Variants in MECOM observed in about 807,000 individuals in gnomAD.
The protein encoded by MECOM is MDS1 and EVI1 complex locus.
Under a neutral mutation model 116.3 loss-of-function variants are expected in MECOM, and 13 were observed. The ratio of observed to expected loss-of-function variants is 0.11; its 90% confidence interval spans 0.07 to 0.18. The LOEUF (loss-of-function observed/expected upper bound fraction) is 0.18, where lower values mean the gene tolerates loss of function less well. MECOM is among the 10% of genes least tolerant of loss of function. The pLI is 1.00. For missense variants in MECOM, 1,299 were observed against 1,509.0 expected (o/e 0.86, Z 2.31); for synonymous variants, 528 against 535.2 (o/e 0.99, Z 0.19).
chr3:169,134,202 G>T (rs139273277), intron 3 of MECOM, among the ~76,000 whole-genome samples: 7 of 152,158 alleles, frequency 4.6e-5, no homozygotes, highest in African/African-American at 1.7e-4. Flanking sequence ...AATCCAATGT[G>T]AACAGTCTAA....
chr3:169,116,387 A>C lies in MECOM; in HGVS notation c.1485T>G (p.Phe495Leu). 6.2e-7 allele frequency: 1 copy of C among 1,614,228 alleles called. No homozygotes were observed. The change falls in exon 8 of 17, where the codon TTT becomes TTG. Residue 495 changes from phenylalanine to leucine, a missense_variant. Phe to Leu is a conservative substitution (Grantham distance 22, BLOSUM62 0). This residue lies in a region of MECOM where 238 missense variants were observed against 273.1 expected (regional missense o/e 0.87). Transcript: ENST00000651503. ...PGFSFSFPGL[F>L]PSGLYHRPPL... ...GAGGCCTGTGGTACAAGCCGGAAGG[A>C]AACAGACCAGGGAAGCTAAAAGAAA... is the stretch of plus-strand genomic sequence containing the variant.
intron 2 of MECOM, among the ~76,000 whole-genome samples, chr3:169,221,643 T>TA (rs1378209993): frequency 4.0e-5 from 6 of 151,600 alleles, no homozygotes; most frequent in African/African-American, 1.5e-4. Context: ...GGCTAAGTGA[T>TA]CACTAAGAAT....
At chr3:169,227,458 A>G (rs1055810786) in intron 2 of MECOM, among the ~76,000 whole-genome samples, 3 of 152,098 alleles carry the variant, frequency 2.0e-5, no homozygotes, top group African/African-American at 4.8e-5. Flanking sequence ...TATAGAGTAA[A>G]TGTTTCTGAG....
At chr3:169,091,993 A>G (rs1246168277) in intron 14 of MECOM, among the ~76,000 whole-genome samples, 1 of 152,134 alleles carries the variant, frequency 6.6e-6, no homozygotes, top group Non-Finnish European at 1.5e-5. Flanking sequence ...GTCACTATAT[A>G]GTCGTGTTCA....
At chr3:169,660,007 G>T (rs369324104) in intron 1 of MECOM, among the ~76,000 whole-genome samples, 2 of 152,128 alleles carry the variant, frequency 1.3e-5, no homozygotes, top group Non-Finnish European at 2.9e-5. Context: ...GATGCAACTC[G>T]TTCTCTGCTG....
At chr3:169,505,637 T>C (rs1307455780) in intron 1 of MECOM, among the ~76,000 whole-genome samples, 1 of 152,218 alleles carries the variant, frequency 6.6e-6, no homozygotes, top group Non-Finnish European at 1.5e-5. Flanking sequence ...CAATACAATA[T>C]TGCTAACTAT....
intron 2 of MECOM, among the ~76,000 whole-genome samples, chr3:169,233,082 C>T (rs1369599081): frequency 1.3e-5 from 2 of 151,962 alleles, no homozygotes; most frequent in Admixed American, 1.3e-4. Flanking sequence ...ATTAGAAATG[C>T]CAAGTCATTT....
intron 1 of MECOM, among the ~76,000 whole-genome samples, chr3:169,515,162 C>T (rs1284601659): frequency 6.6e-6 from 1 of 152,102 alleles, no homozygotes; most frequent in African/African-American, 2.4e-5. Context: ...CAGCAGCTCT[C>T]CTGTGGTCCT....
intron 1 of MECOM, among the ~76,000 whole-genome samples, chr3:169,472,469 A>G (rs1749445280): frequency 6.3e-5 from 1 of 15,974 alleles, no homozygotes; most frequent in Non-Finnish European, 1.4e-4. Flanking sequence ...GGAAAGAAGG[A>G]AAGGAAAGGA....
intron 2 of MECOM, among the ~76,000 whole-genome samples, chr3:169,340,740 G>A (rs571443918): frequency 2.0e-5 from 3 of 152,344 alleles, no homozygotes; most frequent in Admixed American, 2.0e-4. Context: ...GGTGTATTGT[G>A]TGTATTTATG....
At chr3:169,365,905 T>A (rs1173516184) in intron 2 of MECOM, among the ~76,000 whole-genome samples, 3 of 152,054 alleles carry the variant, frequency 2.0e-5, no homozygotes, top group African/African-American at 7.2e-5. Flanking sequence ...GTGTTTCTGT[T>A]TCTTTAGGTA....
chr3:169,391,100 A>G (rs926846855), intron 1 of MECOM, among the ~76,000 whole-genome samples: 1 of 152,196 alleles, frequency 6.6e-6, no homozygotes, highest in Non-Finnish European at 1.5e-5. Flanking sequence ...ATAATTATGC[A>G]TGTCTGGCAG....
chr3:169,538,581 G>A (rs16854019), intron 1 of MECOM, among the ~76,000 whole-genome samples: 50,378 of 151,990 alleles, frequency 0.33, 9,779 homozygotes, highest in East Asian at 0.72. Flanking sequence ...TCAAATCACA[G>A]TCTTCTGTCA....
intron 2 of MECOM, among the ~76,000 whole-genome samples, chr3:169,242,959 T>C (rs1363015744): frequency 4.6e-5 from 7 of 151,760 alleles, no homozygotes; most frequent in African/African-American, 1.7e-4. Flanking sequence ...TAAATCTAAA[T>C]ATAGCTCTCC....
intron 1 of MECOM, among the ~76,000 whole-genome samples, chr3:169,471,150 C>T (rs1749163345): frequency 6.6e-6 from 1 of 151,990 alleles, no homozygotes; most frequent in African/African-American, 2.4e-5. Context: ...TGCCAGCATG[C>T]CCGTCTGATT....
intron 2 of MECOM, among the ~76,000 whole-genome samples, chr3:169,196,884 T>C (rs1436994308): frequency 6.6e-6 from 1 of 152,188 alleles, no homozygotes; most frequent in East Asian, 1.9e-4. Context: ...GCAGCACTAT[T>C]CACATTAGCA....
intron 2 of MECOM, among the ~76,000 whole-genome samples, chr3:169,172,314 T>C (rs1005200185): frequency 2.0e-5 from 3 of 152,130 alleles, no homozygotes; most frequent in African/African-American, 4.8e-5. Flanking sequence ...TATCTCCCAA[T>C]GTTATACAAA....
chr3:169,452,164 A>C (rs1227812702), intron 1 of MECOM, among the ~76,000 whole-genome samples: 1 of 151,974 alleles, frequency 6.6e-6, no homozygotes, highest in African/African-American at 2.4e-5. Flanking sequence ...CCGGGTCATC[A>C]CTACTCACGG....
intron 1 of MECOM, among the ~76,000 whole-genome samples, chr3:169,402,852 A>G (rs7648086): frequency 1.9e-3 from 291 of 152,138 alleles, no homozygotes; most frequent in African/African-American, 6.8e-3. Context: ...TGCCTTCACA[A>G]AGTGTTTGCC....
Sources: allele counts gnomAD v4.1 joint callset (sites outside exome capture counted in the v4.1 genomes callset), GRCh38; gene constraint gnomAD v4.1.1; regional missense constraint gnomAD v4.1.1; transcripts MANE v1.5; gene names NCBI Gene and HGNC (gene_info 2026-07-23, HGNC 2026-07-21).